NRXN1: variants seen among roughly 807,000 people sequenced by gnomAD.
The protein encoded by NRXN1 is neurexin 1, also known as neurexin-1.
NRXN1 carries 39 observed loss-of-function variants against 150.9 expected under a neutral mutation model. The observed-to-expected ratio is 0.26, with a 90% CI of 0.20 to 0.34. NRXN1 has a LOEUF of 0.34. Ranked by LOEUF, NRXN1 falls within the 10% of genes least tolerant of loss-of-function variation. NRXN1 has a pLI of 1.00. For missense variants in NRXN1, 1,815 were observed against 1,949.9 expected (o/e 0.93, Z 1.30); for synonymous variants, 924 against 757.0 (o/e 1.22, Z -3.62).
At chr2:50,354,192 C>A (rs2078623363) in intron 17 of NRXN1, among the ~76,000 whole-genome samples, 1 of 152,044 alleles carries the variant, frequency 6.6e-6, no homozygotes, top group African/African-American at 2.4e-5. Context: ...ATTATATAAA[C>A]CTATTTGTTC....
chr2:50,974,603 A>G (rs1162407134), intron 2 of NRXN1, among the ~76,000 whole-genome samples: 8 of 152,086 alleles, frequency 5.3e-5, no homozygotes, highest in Non-Finnish European at 2.9e-5. Context: ...GTTCTGAACA[A>G]GTCAGCTCTT....
chr2:50,612,227 T>C (rs989721825), intron 8 of NRXN1, among the ~76,000 whole-genome samples: 3 of 143,196 alleles, frequency 2.1e-5, no homozygotes, highest in Non-Finnish European at 3.1e-5. Context: ...ATAGTATTTA[T>C]GTGTACCTCT....
chr2:49,947,028 AT>A (rs1673031779), intron 21 of NRXN1, among the ~76,000 whole-genome samples: 2 of 152,180 alleles, frequency 1.3e-5, no homozygotes, highest in South Asian at 4.1e-4. Context: ...GCTGGGTAAT[AT>A]ACAAACAGAC....
At chr2:50,513,296 C>G (rs2092523295) in intron 12 of NRXN1, among the ~76,000 whole-genome samples, 1 of 152,088 alleles carries the variant, frequency 6.6e-6, no homozygotes. Flanking sequence ...AAATGGTTGA[C>G]AGTCAAATAC....
chr2:50,580,252 G>T (rs1331251909), intron 8 of NRXN1, among the ~76,000 whole-genome samples: 1 of 152,106 alleles, frequency 6.6e-6, no homozygotes, highest in African/African-American at 2.4e-5. Context: ...ATGATGCTGG[G>T]TCTATTTTTT....
chr2:50,187,185 A>T (rs892039137), intron 18 of NRXN1, among the ~76,000 whole-genome samples: 1 of 152,106 alleles, frequency 6.6e-6, no homozygotes, highest in African/African-American at 2.4e-5. Context: ...ATGAGACTCA[A>T]CCAAATTATT....
At chr2:50,648,774 C>G (rs1055424001) in intron 5 of NRXN1, among the ~76,000 whole-genome samples, 15 of 151,914 alleles carry the variant, frequency 9.9e-5, no homozygotes, top group Non-Finnish European at 1.8e-4. Flanking sequence ...CCCCATGCTT[C>G]TACCCCACTT....
chr2:50,680,188 C>CT (rs1690171052), intron 5 of NRXN1, among the ~76,000 whole-genome samples: 1 of 151,920 alleles, frequency 6.6e-6, no homozygotes, highest in Non-Finnish European at 1.5e-5. Flanking sequence ...ACATCTATTA[C>CT]TTTTTTTAAA....
chr2:50,469,492 T>A (rs1045473400), intron 16 of NRXN1, among the ~76,000 whole-genome samples: 1 of 151,556 alleles, frequency 6.6e-6, no homozygotes, highest in Admixed American at 6.6e-5. Context: ...AGTAGTCCTA[T>A]CAATATGGAG....
chr2:50,954,106 T>G (rs1320025364), intron 2 of NRXN1, among the ~76,000 whole-genome samples: 2 of 152,182 alleles, frequency 1.3e-5, no homozygotes, highest in African/African-American at 4.8e-5. Flanking sequence ...TTAATGAAGT[T>G]AATCACTACT....
At chr2:50,016,858 G>C (rs1686714684) in intron 21 of NRXN1, among the ~76,000 whole-genome samples, 2 of 152,126 alleles carry the variant, frequency 1.3e-5, no homozygotes, top group African/African-American at 4.8e-5. Context: ...CACGTTCCAA[G>C]ACATTCTACA....
chr2:50,924,102 A>G (rs1009233530), intron 3 of NRXN1, among the ~76,000 whole-genome samples: 2 of 151,726 alleles, frequency 1.3e-5, no homozygotes, highest in African/African-American at 4.8e-5. Flanking sequence ...TCACTTTTAA[A>G]ACTACTACAG....
rs775555146 is a variant in NRXN1 at position 50,091,482 on chromosome 2, T to C, written c.3559A>G (p.Ile1187Val). ...GTCCCAACATTAAACTTAACTCCAA[T>C]TTTTCCCTGGTGCTGTAAGAGAGGA... The part of the protein sequence containing the change: ...YLELHIHQGK[I>V]GVKFNVGTDD... The change falls in exon 19 of 23, where the codon ATT becomes GTT. Residue 1187 changes from isoleucine (I) to valine (V), a missense_variant. Ile to Val is a conservative substitution (Grantham distance 29). Transcript: ENST00000401669. 3.7e-6 allele frequency: 6 copies of C among 1,613,968 alleles called. No individual in the cohort carries two copies. Among genetic ancestry groups the C allele is most frequent in the Non-Finnish European group, 5.1e-6 (6 of 1,180,026 alleles).
intron 22 of NRXN1, among the ~76,000 whole-genome samples, chr2:49,924,659 C>T (rs1473442971): frequency 2.0e-5 from 3 of 152,086 alleles, no homozygotes; most frequent in Non-Finnish European, 4.4e-5. Flanking sequence ...CAACACTAGC[C>T]AAATTGTTGC....
intron 17 of NRXN1, among the ~76,000 whole-genome samples, chr2:50,367,548 T>C (rs902870903): frequency 3.3e-5 from 5 of 151,920 alleles, no homozygotes; most frequent in East Asian, 1.9e-4. Flanking sequence ...AAATAAATGA[T>C]TGGGGGGTTT....
chr2:50,366,084 A>G, intron 17 of NRXN1, among the ~76,000 whole-genome samples: 1 of 151,432 alleles, frequency 6.6e-6, no homozygotes, highest in Non-Finnish European at 1.5e-5. Flanking sequence ...TTAATCCAAT[A>G]GCAGATAATA....
chr2:50,194,576 T>A (rs915647154), intron 18 of NRXN1, among the ~76,000 whole-genome samples: 2 of 152,166 alleles, frequency 1.3e-5, no homozygotes, highest in Non-Finnish European at 2.9e-5. Context: ...TCTAAAGATG[T>A]GACAGTTCCC....
At chr2:50,149,011 A>G (rs1406201270) in intron 18 of NRXN1, among the ~76,000 whole-genome samples, 2 of 151,730 alleles carry the variant, frequency 1.3e-5, no homozygotes, top group Non-Finnish European at 2.9e-5. Flanking sequence ...TATTAACAAT[A>G]TGTTTTCTCT....
At chr2:51,026,888 C>A (rs1277498173) in intron 2 of NRXN1, among the ~76,000 whole-genome samples, 1 of 152,206 alleles carries the variant, frequency 6.6e-6, no homozygotes. Context: ...AGAAACGCTT[C>A]ACATCCTCTC....
Sources: gnomAD v4.1 joint callset for allele counts (sites outside exome capture counted in the v4.1 genomes callset) on GRCh38, gnomAD v4.1.1 for gene constraint, MANE v1.5 for transcripts, NCBI Gene and HGNC (gene_info 2026-07-23, HGNC 2026-07-21) for gene names.